TBC1D23: variants seen among roughly 807,000 people sequenced by gnomAD.
TBC1D23 encodes the protein HCV non-structural protein 4A-transactivated protein 1.
A neutral mutation model predicts 91.4 loss-of-function variants in TBC1D23; 55 were observed. That is an observed-to-expected ratio of 0.60 (90% confidence interval 0.48 to 0.75). TBC1D23 has a LOEUF of 0.75. Among genes scored for constraint, TBC1D23 ranks in the 30% least tolerant of loss-of-function variants. The pLI is 0.00. For missense variants in TBC1D23, 725 were observed against 836.1 expected (o/e 0.87, Z 1.64); for synonymous variants, 289 against 281.0 (o/e 1.03, Z -0.28).
chr3:100,309,548 G>T (rs1705581379), intron 13 of TBC1D23, among the ~76,000 whole-genome samples: 1 of 148,566 alleles, frequency 6.7e-6, no homozygotes, highest in South Asian at 2.2e-4. Context: ...TAATAAAAAA[G>T]ATAATGTCAG....
chr3:100,319,284 C>T (rs2148873533), intron 17 of TBC1D23, 80 bp downstream of exon 17: 1 of 1,145,416 alleles, frequency 8.7e-7, no homozygotes. Context: ...ACAGAAGAAC[C>T]TTTATTTATC....
chr3:100,263,622 A>G (rs2067533055), intron 1 of TBC1D23, among the ~76,000 whole-genome samples: 1 of 152,262 alleles, frequency 6.6e-6, no homozygotes, highest in Non-Finnish European at 1.5e-5. Context: ...ATAGTAAAAA[A>G]GTTTTTAACT....
chr3:100,296,386 T>TGTGTTGTA, intron 8 of TBC1D23, 111 bp downstream of exon 8: 1 of 637,480 alleles, frequency 1.6e-6, no homozygotes, highest in East Asian at 3.0e-5. Context: ...TGTTTCTTTA[T>TGTGTTGTA]GTGTTGTAGT....
At chr3:100,261,251 A>T (rs897167815) in intron 1 of TBC1D23, 180 bp downstream of exon 1, 5 of 617,240 alleles carry the variant, frequency 8.1e-6, no homozygotes, top group Non-Finnish European at 1.4e-5. Flanking sequence ...GGTTCTGCCC[A>T]AGGGACTGGG....
intron 13 of TBC1D23, among the ~76,000 whole-genome samples, chr3:100,306,887 T>C (rs1054256065): frequency 1.3e-5 from 2 of 152,178 alleles, no homozygotes; most frequent in Non-Finnish European, 2.9e-5. Context: ...GTCCTGTAAA[T>C]AGCTGGGACT....
chr3:100,314,400 C>T (rs746031506), intron 15 of TBC1D23, among the ~76,000 whole-genome samples: 41 of 151,854 alleles, frequency 2.7e-4, no homozygotes, highest in Non-Finnish European at 4.9e-4. Flanking sequence ...CCACTGTAAC[C>T]GGCACAAAAA....
intron 12 of TBC1D23, among the ~76,000 whole-genome samples, chr3:100,305,239 T>G (rs1406403501): frequency 6.6e-6 from 1 of 152,150 alleles, no homozygotes; most frequent in East Asian, 1.9e-4. Flanking sequence ...AGTATACCCT[T>G]TGGACTCTTT....
At chr3:100,309,089 G>A (rs1705570582) in intron 13 of TBC1D23, among the ~76,000 whole-genome samples, 1 of 152,180 alleles carries the variant, frequency 6.6e-6, no homozygotes, top group African/African-American at 2.4e-5. Flanking sequence ...AGGGAGAATT[G>A]CTTGAACCCA....
rs913789312 is a variant in TBC1D23 at position 100,320,806 on chromosome 3, A to G, written c.1853A>G (p.Tyr618Cys). The change falls in exon 18 of 19, where the codon TAC becomes TGC. Residue 618 changes from tyrosine (Y) to cysteine (C), a missense_variant. Physicochemically the swap from Tyr to Cys is radical, Grantham distance 194 (BLOSUM62 -2). Transcript: ENST00000394144. Reference sequence around the variant, plus strand: ...CTGTTGGTTACTGCAACACATATGTACTGTTTAAGGGAGATTGTTTCACGG... The same window carrying G: ...CTGTTGGTTACTGCAACACATATGTGCTGTTTAAGGGAGATTGTTTCACGG... ...SHLLVTATHMYCLREIVSRKG... is the reference protein window; with the variant it reads ...SHLLVTATHMCCLREIVSRKG... The G allele has an allele frequency of 6.3e-7, 1 of 1,592,072 alleles. No individual in the cohort carries two copies. The highest frequency in any genetic ancestry group is 8.5e-7 in the Non-Finnish European group (1 of 1,171,486).
intron 1 of TBC1D23, among the ~76,000 whole-genome samples, chr3:100,263,397 G>T (rs547561209): frequency 1.3e-5 from 2 of 152,228 alleles, no homozygotes; most frequent in African/African-American, 2.4e-5. Context: ...CCATCTGGGC[G>T]TATACGTGCA....
chr3:100,267,294 G>A (rs1347836504), intron 1 of TBC1D23: 2 of 430,420 alleles, frequency 4.6e-6, no homozygotes, highest in East Asian at 1.5e-4. Context: ...CTTTCTTGTA[G>A]AAATAAAGAA....
In TBC1D23 at chr3:100,315,446, G is replaced by A. The variant is rs1420204111; in HGVS notation, c.1599-653G>A. ...CAAAGTGCTGGGATTACAGGAGTGA[G>A]CCACCGCGCCCGGCCGAGGCAGATT... On this transcript the variant is annotated intron_variant, in intron 15 of 18. Transcript: ENST00000394144. Among the ~76,000 whole-genome samples, 12 of 152,182 alleles carry A rather than the reference G, an allele frequency of 7.9e-5. No individual in the cohort carries two copies. The South Asian group carries it at 1.2e-3, about 16-fold the overall frequency.
chr3:100,310,458 T>C lies in TBC1D23; in HGVS notation c.1469T>C (p.Met490Thr). 2 of 1,613,582 alleles carry C rather than the reference T, an allele frequency of 1.2e-6. No homozygotes were observed. Among genetic ancestry groups the C allele is most frequent in the Non-Finnish European group, 1.7e-6 (2 of 1,179,678 alleles). The stretch of plus-strand genomic sequence containing the variant: ...GGAATGAAATCACTAGTAAATAAAA[T>C]GACTGTGGCTTTGAAGACAAAATCC... ...DRGMKSLVNK[M>T]TVALKTKSVN... The change falls in exon 14 of 19, where the codon ATG becomes ACG. Residue 490 changes from methionine to threonine, a missense_variant. By Grantham distance (81) the Met-to-Thr change is moderately conservative (BLOSUM62 -1). Coordinates refer to ENST00000394144, the MANE Select transcript of TBC1D23 (RefSeq NM_001199198.3).
chr3:100,313,711 A>G (rs1236733027), intron 15 of TBC1D23, among the ~76,000 whole-genome samples: 1 of 152,134 alleles, frequency 6.6e-6, no homozygotes, highest in Non-Finnish European at 1.5e-5. Context: ...ATTGTGCTTA[A>G]TATTAGGAGA....
chr3:100,305,298 TA>T (rs1222688953), intron 12 of TBC1D23, among the ~76,000 whole-genome samples: 1 of 152,100 alleles, frequency 6.6e-6, no homozygotes, highest in Non-Finnish European at 1.5e-5. Context: ...ATTCTCTGTT[TA>T]AAAAATGTTA....
chr3:100,310,422 C>T lies in TBC1D23; in HGVS notation c.1433C>T (p.Ser478Leu). Residue 478 changes from serine (S) to leucine (L), a missense_variant, in exon 14 of 19, where the codon TCA (serine) becomes TTA (leucine). Transcript: ENST00000394144. ...NSVDGESPNG[S>L]SDRGMKSLVN... ...TTTTAGGGTGAATCTCCTAATGGCT[C>T]AAGTGATAGAGGAATGAAATCACTA... The T allele has an allele frequency of 1.2e-6, 2 of 1,612,400 alleles. No homozygotes were observed. Among genetic ancestry groups the T allele is most frequent in the East Asian group, 2.2e-5 (1 of 44,764 alleles).
At chr3:100,302,686 A>G (rs913004727) in intron 11 of TBC1D23, among the ~76,000 whole-genome samples, 3 of 152,146 alleles carry the variant, frequency 2.0e-5, no homozygotes, top group Non-Finnish European at 4.4e-5. Context: ...TCCTGGATTC[A>G]AACAATTTTC....
chr3:100,300,327 G>A (rs920888589), intron 10 of TBC1D23, among the ~76,000 whole-genome samples: 1 of 151,910 alleles, frequency 6.6e-6, no homozygotes, highest in Non-Finnish European at 1.5e-5. Flanking sequence ...GAACTGAAAG[G>A]GTGTGTGAAA....
intron 8 of TBC1D23, among the ~76,000 whole-genome samples, chr3:100,296,507 C>T (rs1270833174): frequency 6.6e-6 from 1 of 151,688 alleles, no homozygotes; most frequent in Non-Finnish European, 1.5e-5. Context: ...ATTGTTATTT[C>T]TGATCATAAG....
Sources: allele counts gnomAD v4.1 joint callset (sites outside exome capture counted in the v4.1 genomes callset), GRCh38; gene constraint gnomAD v4.1.1; transcripts MANE v1.5; gene names NCBI Gene and HGNC (gene_info 2026-07-23, HGNC 2026-07-21).